The following PRELID2 variants were observed in gnomAD, a reference collection of about 807,000 sequenced individuals.
PRELID2 encodes PRELI domain-containing protein 2.
Under a neutral mutation model 28.4 loss-of-function variants are expected in PRELID2, and 25 were observed. That is an observed-to-expected ratio of 0.88 (90% confidence interval 0.64 to 1.23). PRELID2 has a LOEUF of 1.23. Ranked by LOEUF, PRELID2 falls within the 50% of genes most tolerant of loss-of-function variation. PRELID2 has a pLI of 0.00. For missense variants in PRELID2, 201 were observed against 214.4 expected (o/e 0.94, Z 0.39); for synonymous variants, 76 against 71.6 (o/e 1.06, Z -0.31).
At chr5:145,621,766 T>C (rs1037608256) in intron 1 of PRELID2, among the ~76,000 whole-genome samples, 2 of 152,186 alleles carry the variant, frequency 1.3e-5, no homozygotes, top group African/African-American at 4.8e-5. Context: ...TAACTTCTAG[T>C]ATTCTATGGC....
At chr5:145,781,218 A>G (rs1751563244) in intron 5 of PRELID2, among the ~76,000 whole-genome samples, 1 of 152,152 alleles carries the variant, frequency 6.6e-6, no homozygotes, top group Non-Finnish European at 1.5e-5. Flanking sequence ...GCTCCAGGGG[A>G]ACAGCTGGAC....
chr5:145,233,388 A>G, the PRELID2 span, among the ~76,000 whole-genome samples: 2 of 152,114 alleles, frequency 1.3e-5, no homozygotes, highest in Non-Finnish European at 1.5e-5. Context: ...CTTACATCCT[A>G]TCCTGAGGTA....
the PRELID2 span, among the ~76,000 whole-genome samples, chr5:145,278,573 G>T: frequency 1.4e-3 from 212 of 152,238 alleles, 2 homozygotes; most frequent in African/African-American, 3.4e-3. Context: ...AAGCCAGCAT[G>T]GGAGAGAGAG....
chr5:145,675,650 C>CA (rs143964317), intron 1 of PRELID2, among the ~76,000 whole-genome samples: 4,370 of 152,252 alleles, frequency 0.029, 193 homozygotes, highest in African/African-American at 0.096. Flanking sequence ...TAGTGGTCTG[C>CA]AAACCACAGT....
intron 5 of PRELID2, among the ~76,000 whole-genome samples, chr5:145,768,910 G>T (rs1413192499): frequency 1.3e-5 from 2 of 151,822 alleles, no homozygotes; most frequent in Admixed American, 1.3e-4. Context: ...GGCAGGGAGA[G>T]AGAGGCCTAT....
At chr5:145,446,856 G>A in the PRELID2 span, among the ~76,000 whole-genome samples, 1 of 151,996 alleles carries the variant, frequency 6.6e-6, no homozygotes, top group Non-Finnish European at 1.5e-5. Flanking sequence ...AGACCAGCCT[G>A]GCCAACATAG....
the PRELID2 span, among the ~76,000 whole-genome samples, chr5:145,300,304 G>A: frequency 6.6e-6 from 1 of 151,914 alleles, no homozygotes; most frequent in Non-Finnish European, 1.5e-5. Flanking sequence ...ATTTCCCCAA[G>A]GACCACTCGT....
intron 1 of PRELID2, among the ~76,000 whole-genome samples, chr5:145,615,458 C>G (rs1300607901): frequency 7.0e-6 from 1 of 142,100 alleles, no homozygotes; most frequent in African/African-American, 2.8e-5. Context: ...TCCCGAGTAG[C>G]TGGGACTACA....
the PRELID2 span, among the ~76,000 whole-genome samples, chr5:145,263,889 C>G: frequency 6.6e-6 from 1 of 151,038 alleles, no homozygotes; most frequent in Non-Finnish European, 1.5e-5. Flanking sequence ...CAGACAGATT[C>G]ACAGCTGAAT....
chr5:145,770,192 A>G (rs926696892), intron 5 of PRELID2, among the ~76,000 whole-genome samples: 2 of 152,164 alleles, frequency 1.3e-5, no homozygotes, highest in Non-Finnish European at 2.9e-5. Context: ...TATATTTATT[A>G]TGTTGTACTT....
chr5:145,817,882 C>T lies in PRELID2; in HGVS notation c.368+12G>A. The T allele has an allele frequency of 1.3e-6, 2 of 1,537,018 alleles. No homozygotes were observed. Among genetic ancestry groups the T allele is most frequent in the Non-Finnish European group, 1.7e-6 (2 of 1,144,868 alleles). Reference sequence around the variant, plus strand: ...CAACCAAAACACACACACATATACACACGAGTCTTACCAATTTGGGTTTTC... The same window carrying T: ...CAACCAAAACACACACACATATACATACGAGTCTTACCAATTTGGGTTTTC... On this transcript the variant is annotated intron_variant, in intron 4 of 6. Coordinates refer to ENST00000683046, the MANE Select transcript of PRELID2 (RefSeq NM_205846.3).
chr5:145,579,165 C>G (rs1753086641), intron 1 of PRELID2, among the ~76,000 whole-genome samples: 1 of 152,016 alleles, frequency 6.6e-6, no homozygotes, highest in Admixed American at 6.6e-5. Context: ...CACTTGGGAA[C>G]ATTATGAAGA....
chr5:145,515,091 A>G (rs1371017291), intron 1 of PRELID2, among the ~76,000 whole-genome samples: 3 of 152,190 alleles, frequency 2.0e-5, no homozygotes, highest in Non-Finnish European at 2.9e-5. Flanking sequence ...ATCAAAATTA[A>G]AACAACTAGA....
chr5:145,740,265 AATATATATATATATATATAT>A (rs70998029), intron 1 of PRELID2, among the ~76,000 whole-genome samples: 690 of 40,648 alleles, frequency 0.017, 16 homozygotes, highest in South Asian at 0.048. Flanking sequence ...GGATTTATCA[AATATATATATATATATATAT>A]ATATATATAT....
the PRELID2 span, among the ~76,000 whole-genome samples, chr5:145,405,887 A>C: frequency 6.6e-6 from 1 of 151,678 alleles, no homozygotes; most frequent in South Asian, 2.1e-4. Flanking sequence ...TTGTATTTTT[A>C]GTAGAGACGG....
the PRELID2 span, among the ~76,000 whole-genome samples, chr5:145,348,026 T>A: frequency 1.3e-5 from 2 of 152,112 alleles, no homozygotes; most frequent in Non-Finnish European, 2.9e-5. Flanking sequence ...GGCAGTAACA[T>A]CTTCTAAAGA....
In PRELID2 at chr5:145,564,008, G is replaced by A. The variant is rs150592444; in HGVS notation, n.71-90693C>T. ...AAGTCTTTTCACTATGCATATGTAC[G>A]TCAAAACATCATGTTGTGCAAGTAA... On this transcript the variant is annotated intron_variant and non_coding_transcript_variant, in intron 1 of 2. Coordinates refer to the PRELID2 transcript ENST00000510259. Among the ~76,000 whole-genome samples, 87 of 152,264 alleles carry A rather than the reference G, an allele frequency of 5.7e-4. No homozygotes were observed. In the East Asian group the frequency reaches 0.013, roughly 23 times the overall value.
chr5:145,371,064 G>A, the PRELID2 span, among the ~76,000 whole-genome samples: 1 of 152,160 alleles, frequency 6.6e-6, no homozygotes, highest in Non-Finnish European at 1.5e-5. Flanking sequence ...TGCTAACAGA[G>A]ACAATTTGAC....
intron 4 of PRELID2, among the ~76,000 whole-genome samples, chr5:145,805,120 T>A (rs1481675748): frequency 6.6e-6 from 1 of 152,110 alleles, no homozygotes; most frequent in Non-Finnish European, 1.5e-5. Flanking sequence ...AAGAAAAAAA[T>A]TTAACTGGCA....
Sources: allele counts gnomAD v4.1 joint callset (sites outside exome capture counted in the v4.1 genomes callset), GRCh38; gene constraint gnomAD v4.1.1; transcripts MANE v1.5; gene names NCBI Gene and HGNC (gene_info 2026-07-23, HGNC 2026-07-21).